The following ALS2CL variants were observed in gnomAD, a reference collection of about 807,000 sequenced individuals.
ALS2CL encodes ALS2 C-terminal like.
In ALS2CL, 112 loss-of-function variants were observed where a neutral mutation model predicts 127.9. That is an observed-to-expected ratio of 0.88 (90% CI 0.75 to 1.02). ALS2CL has a LOEUF of 1.02. Among genes scored for constraint, ALS2CL ranks in the 50% least tolerant of loss-of-function variants. The pLI, the probability that ALS2CL is intolerant of heterozygous loss-of-function variation, is 0.00. For missense variants in ALS2CL, 1,174 were observed against 1,236.7 expected, an observed-to-expected ratio of 0.95 and a Z score of 0.76; for synonymous variants, 519 against 527.6, an observed-to-expected ratio of 0.98 and a Z score of 0.22.
rs202007681 is a variant in ALS2CL at position 46,683,184 on chromosome 3, C to A, written c.1055G>T (p.Arg352Leu). 1.9e-6 allele frequency: 3 copies of A among 1,604,900 alleles called. No individual in the cohort carries two copies. The Admixed American group carries it at 5.1e-5, about 27-fold the overall frequency. ...GCCCTCGTAGGTGGCCTGGCAGAGC[C>A]GGCCCTCTGCCTGGAAGGTATATTC... ...CAEYTFQAEG[R>L]LCQATYEGEW... Residue 352 changes from arginine (R) to leucine (L), a missense_variant, in exon 10 of 26, where the codon CGG becomes CTG. Physicochemically the swap from Arg to Leu is moderately radical, Grantham distance 102. Transcript: ENST00000318962.
Position 46,671,891 on chromosome 3 carries a change from G to A in ALS2CL, c.2677C>T (p.Arg893Cys), listed in dbSNP as rs201782392. Residue 893 changes from arginine (R) to cysteine (C), a missense_variant, in exon 24 of 26, where the codon CGC (arginine) becomes TGC (cysteine). Arg to Cys is a radical substitution (Grantham distance 180). Coordinates refer to ENST00000318962, the MANE Select transcript of ALS2CL (RefSeq NM_147129.5). Reference sequence around the variant, plus strand: ...AGCTCCTGACTGCCTCACCGGGCGCGCGACACCACGTAGATGAGAAGTGGC... The same window carrying A: ...AGCTCCTGACTGCCTCACCGGGCGCACGACACCACGTAGATGAGAAGTGGC... Reference protein sequence around the residue: ...LLPLLIYVVSRARIQHLGAEI... With the variant: ...LLPLLIYVVSCARIQHLGAEI... 162 of 1,613,834 alleles carry A rather than the reference G, an allele frequency of 1.0e-4. No individual in the cohort carries two copies. The highest frequency in any genetic ancestry group is 9.1e-4 in the South Asian group (83 of 91,068).
chr3:46,681,311 G>A lies in ALS2CL; in HGVS notation c.1371C>T (p.Phe457=). The A allele has an allele frequency of 1.2e-6, 2 of 1,613,936 alleles. No homozygotes were observed. The highest frequency in any genetic ancestry group is 1.7e-6 in the Non-Finnish European group (2 of 1,179,936). Residue 457 remains phenylalanine (F), a synonymous_variant, in exon 13 of 26, where the codon TTC becomes TTT. Transcript: ENST00000318962. The surrounding 1 kb of genome is among the most constrained non-coding windows in gnomAD (Gnocchi z 4.9). ...LESGPQAPQP[F]RYTGHWERGQ... is the part of the protein sequence containing the mutation. ...CCCTCTCCCAGTGGCCCGTGTACCT[G>A]AAGGGCTGGGGGGCCTGCGGACCAC...
chr3:46,671,361 C>T, intron 25 of ALS2CL, 127 bp downstream of exon 25: 1 of 1,449,676 alleles, frequency 6.9e-7, no homozygotes, highest in Non-Finnish European at 9.2e-7. Flanking sequence ...GGACCCTTCC[C>T]AGAGTCACAC....
intron 4 of ALS2CL, 151 bp downstream of exon 4, chr3:46,687,468 G>T: frequency 2.2e-6 from 2 of 906,972 alleles, no homozygotes; most frequent in Non-Finnish European, 3.4e-6. Context: ...CTCTTCCAGT[G>T]TGGATCAGTG....
chr3:46,670,945 G>A lies in ALS2CL; in HGVS notation c.*39C>T. 1 of 1,582,496 alleles carries A rather than the reference G, an allele frequency of 6.3e-7. No homozygotes were observed. Among genetic ancestry groups the A allele is most frequent in the Non-Finnish European group, 8.7e-7 (1 of 1,151,524 alleles). Reference sequence around the variant, plus strand: ...GGGTAATGAGGGACAGGCTGGCAGTGCCCTGCTCAGCTCTTCAGTCTGTCC... The same window carrying A: ...GGGTAATGAGGGACAGGCTGGCAGTACCCTGCTCAGCTCTTCAGTCTGTCC... On this transcript the variant is annotated 3_prime_UTR_variant, in exon 26 of 26. Transcript: ENST00000318962. This position sits in a 1 kb window ranked among gnomAD's most constrained non-coding sequence, Gnocchi z 5.5.
At position 46,675,627 on chromosome 3, in the gene ALS2CL, G is replaced by A; in HGVS notation, c.2246C>T (p.Thr749Ile). The change falls in exon 20 of 26, where the codon ACA (threonine) becomes ATA (isoleucine). Residue 749 changes from threonine to isoleucine, a missense_variant. Thr to Ile is a moderately conservative substitution (Grantham distance 89). Transcript: ENST00000318962. ...GACCTGCGCCAGTCACCTTGTCTCT[G>A]TGTCTTCATCCTCCTCCAGGGCCTG... Reference protein sequence around the residue: ...KGQALEEDEDTETRDLQVHGL... With the variant: ...KGQALEEDEDIETRDLQVHGL... The A allele has an allele frequency of 6.2e-7, 1 of 1,613,752 alleles. No homozygotes were observed. Among genetic ancestry groups the A allele is most frequent in the African/African-American group, 1.3e-5 (1 of 75,020 alleles).
rs1240811206 is a variant in ALS2CL at position 46,681,911 on chromosome 3, A to C, written c.1175+118T>G. The stretch of plus-strand genomic sequence containing the variant: ...GCGGGGGCTGGACCGGATTGTCTCT[A>C]AGTTCCTGCTTGAGGTTTGGGAATT... On this transcript the variant is annotated intron_variant, in intron 11 of 25. Transcript: ENST00000318962. This position sits in a 1 kb window ranked among gnomAD's most constrained non-coding sequence, Gnocchi z 4.9. 1.2e-5 allele frequency: 16 copies of C among 1,282,514 alleles called. No homozygotes were observed. Among genetic ancestry groups the C allele is most frequent in the Non-Finnish European group, 1.6e-5 (15 of 912,018 alleles). The allele number at this position is 1,282,514 out of a possible 1,614,324, so 79.4% of individuals were successfully genotyped here.
intron 7 of ALS2CL, among the ~76,000 whole-genome samples, chr3:46,685,215 A>G (rs982442548): frequency 3.3e-5 from 5 of 152,190 alleles, no homozygotes; most frequent in African/African-American, 1.2e-4. Context: ...TGTCTACTGT[A>G]GAACAAACTC....
At chr3:46,671,389 G>C in intron 25 of ALS2CL, 99 bp downstream of exon 25, 1 of 1,531,934 alleles carries the variant, frequency 6.5e-7, no homozygotes, top group Non-Finnish European at 8.8e-7. Context: ...GTGAATTTGA[G>C]CTCCCTCCCA....
At position 46,683,279 on chromosome 3, in the gene ALS2CL, A is replaced by T. The variant is rs1328007221; in HGVS notation, c.960T>A (p.His320Gln). The T allele has an allele frequency of 6.2e-7, 1 of 1,605,796 alleles. No individual in the cohort carries two copies. Among genetic ancestry groups the T allele is most frequent in the African/African-American group, 1.3e-5 (1 of 74,738 alleles). Residue 320 changes from histidine (H) to glutamine (Q), a missense_variant, in exon 10 of 26, where the codon CAT (histidine) becomes CAA (glutamine). By Grantham distance (24) the His-to-Gln change is conservative (BLOSUM62 0). Transcript: ENST00000318962. ...KVTWAVHQAL[H>Q]GKKDFPVLGA... is the part of the protein sequence containing the mutation. Reference sequence around the variant, plus strand: ...CCAGCACGGGGAAGTCCTTCTTCCCATGCAGGGCCTGGTGAACAGCCCAGG... The same window carrying T: ...CCAGCACGGGGAAGTCCTTCTTCCCTTGCAGGGCCTGGTGAACAGCCCAGG...
rs1271164075 is a variant in ALS2CL, at chr3:46,672,023, C to A, written c.2545G>T (p.Asp849Tyr). The A allele has an allele frequency of 7.4e-6, 12 of 1,614,032 alleles. No homozygotes were observed. Among genetic ancestry groups the A allele is most frequent in the African/African-American group, 1.3e-5 (1 of 75,002 alleles). ...ECLQKIMTTV[D>Y]PREKLEVLER... ...AGCACCTCCAGCTTCTCCCGTGGGT[C>A]CACCGTGGTCCTGCAGCAGGGTAGC... Residue 849 changes from aspartate (D) to tyrosine (Y), a missense_variant, in exon 24 of 26, where the codon GAC becomes TAC. By Grantham distance (160) the Asp-to-Tyr change is radical. Transcript: ENST00000318962.
chr3:46,680,532 G>A lies in ALS2CL; in HGVS notation c.1446C>T (p.Arg482=). ...GACCAGCCTGCCACATGCCAATGTA[G>A]CGCTCACCTCTGGAAGGAGAGGAAT... ...GIEEDGDRGE[R]YIGMWQAGQR... Residue 482 remains arginine, a synonymous_variant, in exon 14 of 26, where the codon CGC becomes CGT. Transcript: ENST00000318962. The A allele has an allele frequency of 6.2e-7, 1 of 1,612,360 alleles. No homozygotes were observed. Among genetic ancestry groups the A allele is most frequent in the Non-Finnish European group, 8.5e-7 (1 of 1,179,924 alleles).
In ALS2CL at chr3:46,683,330, G is replaced by A; in HGVS notation, c.913-4C>T. On this transcript the variant is annotated splice_region_variant and splice_polypyrimidine_tract_variant and intron_variant, in intron 9 of 25. Transcript: ENST00000318962. ...TCACCTTCCACTGCCAGACTGCCTG[G>A]TGGGAGGGGGAACATGGGGAAGGGG... 1.3e-6 allele frequency: 2 copies of A among 1,576,644 alleles called. No individual in the cohort carries two copies. Among genetic ancestry groups the A allele is most frequent in the Admixed American group, 1.8e-5 (1 of 54,746 alleles).
chr3:46,686,907 G>T lies in ALS2CL; in HGVS notation c.534+76C>A. ...TCTTGTACTAGGGTTCCTGAGTATA[G>T]GCTGAGCCCCCTGAGTCTGGGCCCT... is the stretch of plus-strand genomic sequence containing the variant. On this transcript the variant is annotated intron_variant, in intron 5 of 25. Transcript: ENST00000318962. This position sits in a 1 kb window ranked among gnomAD's most constrained non-coding sequence, Gnocchi z 4.3. 1.4e-6 allele frequency: 2 copies of T among 1,426,722 alleles called. No homozygotes were observed. Among genetic ancestry groups the T allele is most frequent in the South Asian group, 1.5e-5 (1 of 67,498 alleles). 88.4% of individuals were successfully genotyped at this position (1,426,722 alleles called of 1,614,324 possible).
intron 21 of ALS2CL, 95 bp from the exon 22 acceptor site, chr3:46,673,476 C>A: frequency 7.6e-7 from 1 of 1,311,420 alleles, no homozygotes; most frequent in South Asian, 1.3e-5. Flanking sequence ...TTTCCCCCGG[C>A]AGATCTGGGT....
At position 46,688,260 on chromosome 3, in the gene ALS2CL, A is replaced by G; in HGVS notation, c.140T>C (p.Leu47Pro). 1 of 1,612,866 alleles carries G rather than the reference A, an allele frequency of 6.2e-7. No individual in the cohort carries two copies. Among genetic ancestry groups the G allele is most frequent in the Non-Finnish European group, 8.5e-7 (1 of 1,179,968 alleles). ...DPSDPWGREC[L>P]RLLQQLHKSS... ...CTTGTGCAGCTGTTGCAAGAGCCGCAGGCACTCTCTGCCCCAGGGATCCGA... is the reference window on the plus strand; with the variant it reads ...CTTGTGCAGCTGTTGCAAGAGCCGCGGGCACTCTCTGCCCCAGGGATCCGA... The change falls in exon 3 of 26, where the codon CTG (leucine) becomes CCG (proline). Residue 47 changes from leucine (L) to proline (P), a missense_variant. By Grantham distance (98) the Leu-to-Pro change is moderately conservative (BLOSUM62 -3). Coordinates refer to ENST00000318962, the MANE Select transcript of ALS2CL (RefSeq NM_147129.5).
At chr3:46,674,542 G>T in intron 21 of ALS2CL, 24 bp downstream of exon 21, 1 of 1,600,194 alleles carries the variant, frequency 6.2e-7, no homozygotes, top group Non-Finnish European at 8.5e-7. Context: ...TGGCTAACAC[G>T]GCACGGGGGA....
At position 46,676,931 on chromosome 3, in the gene ALS2CL, C is replaced by G. The variant is rs1401561346; in HGVS notation, c.1849G>C (p.Asp617His). 6.2e-7 allele frequency: 1 copy of G among 1,613,714 alleles called. No homozygotes were observed. Among genetic ancestry groups the G allele is most frequent in the East Asian group, 2.2e-5 (1 of 44,870 alleles). ...RDFVCAGCPR[D>H]LQEALLGFDV... ...AAGCCCAGCAGGGCCTCCTGCAGGT[C>G]CCTGGGGCAGCCAGCACACACAAAG... Residue 617 changes from aspartate (D) to histidine (H), a missense_variant, in exon 17 of 26, where the codon GAC becomes CAC. Transcript: ENST00000318962.
intron 22 of ALS2CL, 89 bp downstream of exon 22, chr3:46,673,250 C>G (rs1698549862): frequency 7.7e-7 from 1 of 1,296,482 alleles, no homozygotes; most frequent in Non-Finnish European, 1.1e-6. Flanking sequence ...CCTCTGCAGC[C>G]TCCGCCCAGC....
Sources: allele counts gnomAD v4.1 joint callset (sites outside exome capture counted in the v4.1 genomes callset), GRCh38; gene constraint gnomAD v4.1.1; non-coding constraint Gnocchi (gnomAD v3.1); transcripts MANE v1.5; gene names NCBI Gene and HGNC (gene_info 2026-07-23, HGNC 2026-07-21).